Variants in DISP1 observed in about 807,000 individuals in gnomAD.
The protein encoded by DISP1 is dispatched RND transporter family member 1.
DISP1 carries 30 observed loss-of-function variants against 37.3 expected under a neutral mutation model. The observed-to-expected ratio is 0.80, with a 90% CI of 0.60 to 1.09. The LOEUF is 1.09. Among genes scored for constraint, DISP1 ranks in the 50% least tolerant of loss-of-function variants. The pLI, the probability that DISP1 is intolerant of heterozygous loss-of-function variation, is 0.00. For synonymous variants in DISP1, 634 were observed against 690.2 expected (o/e 0.92, Z 1.28); for missense variants, 1,598 against 1,879.5 (o/e 0.85, Z 2.77).
chr1:222,980,726 A>G (rs1042368006), intron 3 of DISP1, among the ~76,000 whole-genome samples: 1 of 152,206 alleles, frequency 6.6e-6, no homozygotes, highest in Non-Finnish European at 1.5e-5. Context: ...ACATATATAA[A>G]AAGAATGCAT....
chr1:222,910,191 T>C (rs1202836874), intron 1 of DISP1, among the ~76,000 whole-genome samples: 1 of 152,070 alleles, frequency 6.6e-6, no homozygotes, highest in East Asian at 1.9e-4. Flanking sequence ...GGCAAAACCC[T>C]GTCTCTATAA....
chr1:222,901,358 T>C (rs1671569511), intron 1 of DISP1, among the ~76,000 whole-genome samples: 2 of 151,892 alleles, frequency 1.3e-5, no homozygotes, highest in Admixed American at 1.3e-4. Flanking sequence ...AGAATGAAAA[T>C]GAATATTGAA....
At position 222,959,714 on chromosome 1, in the gene DISP1, AAAG is replaced by A. The variant is rs1441806328; in HGVS notation, c.509+16385_509+16387del. On this transcript the variant is annotated intron_variant, in intron 3 of 8. Coordinates refer to ENST00000675850, the MANE Select transcript of DISP1 (RefSeq NM_001377229.1). ...AAACTCTGTCTCAAAAAAAAAAAAA[AAAG>A]AAAGAAAAGAAAAGAAAAAAGAAAA... 3.0e-4 allele frequency among the ~76,000 whole-genome samples: 45 copies of A among 150,378 alleles called. No homozygotes were observed. In the Middle Eastern group the frequency reaches 0.01, roughly 34 times the overall value.
At position 223,003,038 on chromosome 1, in the gene DISP1, T is replaced by A. The variant is rs1460247551; in HGVS notation, c.1641T>A (p.Arg547=). ...SSLIVSYFLY[R]VVFHFEFFPF... is the part of the protein sequence containing the mutation. ...TGATTGTTTCCTATTTTCTCTATCG[T>A]GTAGTATTTCACTTCGAATTTTTTC... Residue 547 remains arginine, a synonymous_variant, in exon 9 of 9, where the codon CGT becomes CGA. Transcript: ENST00000675850. This position sits in a 1 kb window ranked among gnomAD's most constrained non-coding sequence, Gnocchi z 4.3. The A allele has an allele frequency of 5.0e-6, 8 of 1,614,032 alleles. No homozygotes were observed. Among genetic ancestry groups the A allele is most frequent in the Non-Finnish European group, 6.8e-6 (8 of 1,180,046 alleles).
At chr1:222,839,825 C>G (rs147979542) in intron 1 of DISP1, among the ~76,000 whole-genome samples, 1 of 151,728 alleles carries the variant, frequency 6.6e-6, no homozygotes, top group South Asian at 2.1e-4. Context: ...CCCAGGTACT[C>G]GGGAGGCTGA....
chr1:222,821,528 G>T (rs1283336020), intron 1 of DISP1, among the ~76,000 whole-genome samples: 1 of 152,128 alleles, frequency 6.6e-6, no homozygotes, highest in Non-Finnish European at 1.5e-5. Flanking sequence ...GGAGTGGTTT[G>T]CCCTATGGTG....
Position 222,983,104 on chromosome 1 carries a change from A to G in DISP1, c.534A>G (p.Pro178=), listed in dbSNP as rs1320680540. ...NIRPSRPFKL[P]KSYAALIADW... ...GACCATCCAGACCTTTCAAGTTGCC[A>G]AAAAGGTAAAGTAATCTGGGTCATC... Residue 178 remains proline (P), a synonymous_variant, in exon 4 of 9, where the codon CCA becomes CCG. Coordinates refer to ENST00000675850, the MANE Select transcript of DISP1 (RefSeq NM_001377229.1). The G allele has an allele frequency of 6.2e-7, 1 of 1,606,626 alleles. No homozygotes were observed. The highest frequency in any genetic ancestry group is 1.7e-5 in the Admixed American group (1 of 59,896).
chr1:222,944,919 C>T (rs1674656992), intron 3 of DISP1, among the ~76,000 whole-genome samples: 2 of 152,112 alleles, frequency 1.3e-5, no homozygotes, highest in Non-Finnish European at 2.9e-5. Context: ...GCGGGGATTA[C>T]AGAATCCCAA....
intron 1 of DISP1, among the ~76,000 whole-genome samples, chr1:222,851,925 C>G (rs1431343797): frequency 4.6e-5 from 7 of 152,128 alleles, no homozygotes; most frequent in African/African-American, 1.4e-4. Flanking sequence ...TGGCTCACAT[C>G]TGTAATCCCA....
At chr1:222,936,686 AAT>A (rs1370404076) in intron 2 of DISP1, among the ~76,000 whole-genome samples, 3 of 97,252 alleles carry the variant, frequency 3.1e-5, no homozygotes, top group Admixed American at 1.5e-4. Context: ...TAATATATAA[AAT>A]ATATGATATA....
At position 222,843,564 on chromosome 1, in the gene DISP1, G is replaced by T. The variant is rs967213292; in HGVS notation, c.-159+28486G>T. ...GGAGAGACCTTCTCTAATGAAGGAT[G>T]GGGGGGGGAAATTTCTTTTGAGCAG... On this transcript the variant is annotated intron_variant, in intron 1 of 8. Coordinates refer to ENST00000675850, the MANE Select transcript of DISP1 (RefSeq NM_001377229.1). Among the ~76,000 whole-genome samples, 226 of 98,024 alleles carry T rather than the reference G, an allele frequency of 2.3e-3. 2 individuals carry two copies. The highest frequency in any genetic ancestry group is 6.8e-3 in the African/African-American group (214 of 31,618). 64.3% of individuals were successfully genotyped at this position (98,024 alleles called of 152,430 possible).
At chr1:222,918,658 A>G (rs1672628056) in intron 1 of DISP1, among the ~76,000 whole-genome samples, 1 of 152,206 alleles carries the variant, frequency 6.6e-6, no homozygotes, top group South Asian at 2.1e-4. Context: ...GCTTATGGAT[A>G]TGGGAGCAAG....
chr1:222,891,427 C>A, intron 1 of DISP1, among the ~76,000 whole-genome samples: 1 of 151,846 alleles, frequency 6.6e-6, no homozygotes. Context: ...AAGATTGAAG[C>A]TGGAAATAAG....
intron 1 of DISP1, among the ~76,000 whole-genome samples, chr1:222,897,909 G>C (rs912937709): frequency 2.6e-5 from 4 of 152,106 alleles, no homozygotes; most frequent in Non-Finnish European, 4.4e-5. Context: ...ATTTTCAAAA[G>C]TATATTCCCC....
At chr1:222,836,246 ACT>A (rs992520064) in intron 1 of DISP1, among the ~76,000 whole-genome samples, 3 of 152,338 alleles carry the variant, frequency 2.0e-5, no homozygotes, top group African/African-American at 7.2e-5. Flanking sequence ...CAGAGAAACT[ACT>A]GTGACTGTGA....
At chr1:222,903,864 C>A (rs903191650) in intron 1 of DISP1, among the ~76,000 whole-genome samples, 1 of 152,214 alleles carries the variant, frequency 6.6e-6, no homozygotes, top group African/African-American at 2.4e-5. Flanking sequence ...AGAACTACTT[C>A]TGTGCATTAG....
intron 2 of DISP1, among the ~76,000 whole-genome samples, chr1:222,941,295 G>A (rs1274732246): frequency 6.6e-6 from 1 of 152,178 alleles, no homozygotes; most frequent in Non-Finnish European, 1.5e-5. Context: ...ATTGGAAAGT[G>A]ATTTAATGAA....
intron 1 of DISP1, among the ~76,000 whole-genome samples, chr1:222,836,698 C>G (rs932680915): frequency 4.7e-5 from 7 of 148,570 alleles, no homozygotes; most frequent in Non-Finnish European, 1.0e-4. Context: ...AGGAGGACAC[C>G]CAAGACTGGT....
intron 3 of DISP1, among the ~76,000 whole-genome samples, chr1:222,970,338 T>A (rs1015204774): frequency 1.3e-5 from 2 of 152,184 alleles, no homozygotes; most frequent in Non-Finnish European, 2.9e-5. Flanking sequence ...TCTTTTTTTT[T>A]ATTAAGCCAT....
Sources: allele counts gnomAD v4.1 joint callset (sites outside exome capture counted in the v4.1 genomes callset), GRCh38; gene constraint gnomAD v4.1.1; non-coding constraint Gnocchi (gnomAD v3.1); transcripts MANE v1.5; gene names NCBI Gene and HGNC (gene_info 2026-07-23, HGNC 2026-07-21).